Variants in WDPCP observed in about 807,000 individuals in gnomAD.
The protein encoded by WDPCP is WD repeat-containing and planar cell polarity effector protein fritz homolog.
A neutral mutation model predicts 93.1 loss-of-function variants in WDPCP; 71 were observed. The observed-to-expected ratio is 0.76, with a 90% confidence interval of 0.63 to 0.93. The LOEUF (loss-of-function observed/expected upper bound fraction) is 0.93, where lower values mean the gene tolerates loss of function less well. Ranked by LOEUF, WDPCP falls within the 40% of genes least tolerant of loss-of-function variation. The pLI, the probability that WDPCP is intolerant of heterozygous loss-of-function variation, is 0.00. For synonymous variants in WDPCP, 315 were observed against 315.0 expected (o/e 1.00, Z 0.00); for missense variants, 844 against 887.4 (o/e 0.95, Z 0.62).
chr2:63,448,290 A>G (rs1382235751), intron 6 of WDPCP, among the ~76,000 whole-genome samples: 2 of 152,142 alleles, frequency 1.3e-5, no homozygotes, highest in Non-Finnish European at 2.9e-5. Flanking sequence ...AAAAGAATAA[A>G]TGAAAAAAGA....
At chr2:63,318,862 C>A (rs569280845) in intron 12 of WDPCP, among the ~76,000 whole-genome samples, 3 of 152,204 alleles carry the variant, frequency 2.0e-5, no homozygotes, top group South Asian at 4.1e-4. Context: ...AAGCTGTACA[C>A]CAGACCCCCA....
At chr2:63,218,073 G>A (rs148278895) in intron 14 of WDPCP, among the ~76,000 whole-genome samples, 1 of 152,244 alleles carries the variant, frequency 6.6e-6, no homozygotes, top group East Asian at 1.9e-4. Context: ...GAGTACTAAT[G>A]AGAATTCAAT....
chr2:63,586,565 T>C (rs1708857464), intron 1 of WDPCP, among the ~76,000 whole-genome samples: 1 of 152,228 alleles, frequency 6.6e-6, no homozygotes, highest in Admixed American at 6.5e-5. Context: ...TGTGCTGATA[T>C]ACCCACCTTA....
chr2:63,297,063 T>A (rs1684921729), intron 13 of WDPCP, among the ~76,000 whole-genome samples: 1 of 152,066 alleles, frequency 6.6e-6, no homozygotes, highest in African/African-American at 2.4e-5. Context: ...CTGACTCCAA[T>A]AAGGATGGCA....
chr2:63,525,143 G>C (rs1703229971), intron 1 of WDPCP, among the ~76,000 whole-genome samples: 1 of 152,076 alleles, frequency 6.6e-6, no homozygotes. Context: ...ACTAACACAG[G>C]GACAGAAAAC....
chr2:63,462,553 A>G (rs1331621079), intron 6 of WDPCP, among the ~76,000 whole-genome samples: 1 of 152,192 alleles, frequency 6.6e-6, no homozygotes, highest in Non-Finnish European at 1.5e-5. Flanking sequence ...TACTATGTGG[A>G]GAGCAGACTG....
chr2:63,839,136 C>T, the WDPCP span, among the ~76,000 whole-genome samples: 1 of 152,220 alleles, frequency 6.6e-6, no homozygotes, highest in Non-Finnish European at 1.5e-5. Context: ...TTCAATCACT[C>T]ATAAATCAAG....
At chr2:63,496,990 T>C (rs1002484144) in intron 1 of WDPCP, among the ~76,000 whole-genome samples, 4 of 150,690 alleles carry the variant, frequency 2.7e-5, no homozygotes, top group African/African-American at 9.8e-5. Context: ...AATGCACCTG[T>C]AATCCCAGCT....
At chr2:63,724,896 A>G (rs1391170147) in intron 2 of WDPCP, among the ~76,000 whole-genome samples, 1 of 152,156 alleles carries the variant, frequency 6.6e-6, no homozygotes, top group Non-Finnish European at 1.5e-5. Flanking sequence ...CAGAGGGGCA[A>G]CTCATATTTG....
At chr2:63,147,723 C>G (rs1671615001) in intron 17 of WDPCP, among the ~76,000 whole-genome samples, 1 of 152,112 alleles carries the variant, frequency 6.6e-6, no homozygotes, top group Non-Finnish European at 1.5e-5. Context: ...AATCCCAGCA[C>G]TTTGGGGGGC....
chr2:63,827,350 A>C (rs1361214261), intron 1 of WDPCP, among the ~76,000 whole-genome samples: 1 of 152,140 alleles, frequency 6.6e-6, no homozygotes, highest in East Asian at 1.9e-4. Flanking sequence ...AATTCTCAAA[A>C]GATGTAATAT....
At chr2:63,246,260 C>T (rs1680264487) in intron 14 of WDPCP, among the ~76,000 whole-genome samples, 1 of 152,090 alleles carries the variant, frequency 6.6e-6, no homozygotes, top group East Asian at 1.9e-4. Context: ...AACAAAAAGG[C>T]ATGGATCACC....
chr2:63,199,735 T>C (rs888937867), intron 14 of WDPCP, among the ~76,000 whole-genome samples: 1 of 152,218 alleles, frequency 6.6e-6, no homozygotes, highest in Non-Finnish European at 1.5e-5. Context: ...ACTGTGGGGT[T>C]GGAGGCCCCC....
At chr2:63,497,642 T>G (rs988359772) in intron 1 of WDPCP, among the ~76,000 whole-genome samples, 1 of 152,180 alleles carries the variant, frequency 6.6e-6, no homozygotes, top group Non-Finnish European at 1.5e-5. Flanking sequence ...CTTCAAGCAT[T>G]ATATGTCATG....
chr2:63,356,905 G>A (rs529409988), intron 12 of WDPCP, among the ~76,000 whole-genome samples: 5 of 152,218 alleles, frequency 3.3e-5, no homozygotes, highest in East Asian at 1.9e-4. Context: ...CTAAAACAGC[G>A]TGCTACTGGT....
intron 14 of WDPCP, among the ~76,000 whole-genome samples, chr2:63,233,862 G>A (rs1259383657): frequency 6.6e-6 from 1 of 152,094 alleles, no homozygotes; most frequent in Non-Finnish European, 1.5e-5. Flanking sequence ...CCCAGCCCTG[G>A]AGCCTCTTGC....
intron 3 of WDPCP, among the ~76,000 whole-genome samples, chr2:63,629,067 T>C (rs1172132122): frequency 1.3e-5 from 2 of 152,082 alleles, no homozygotes; most frequent in Non-Finnish European, 2.9e-5. Context: ...AGTAACATGG[T>C]GGTGAGTTCT....
chr2:63,828,156 G>A (rs1671140332), upstream of WDPCP, among the ~76,000 whole-genome samples: 1 of 151,328 alleles, frequency 6.6e-6, no homozygotes, highest in South Asian at 2.1e-4. Context: ...TTATTTAGGT[G>A]TGGATTTACT....
At chr2:63,504,543 A>T (rs1398989074) in intron 1 of WDPCP, among the ~76,000 whole-genome samples, 6 of 151,966 alleles carry the variant, frequency 3.9e-5, no homozygotes, top group Non-Finnish European at 1.5e-5. Flanking sequence ...AAATTCAATC[A>T]TCTCATTAGA....
Sources: allele counts gnomAD v4.1 joint callset (sites outside exome capture counted in the v4.1 genomes callset), GRCh38; gene constraint gnomAD v4.1.1; transcripts MANE v1.5; gene names NCBI Gene and HGNC (gene_info 2026-07-23, HGNC 2026-07-21).